Variants in LGALS8 observed in about 807,000 individuals in gnomAD.
The protein encoded by LGALS8 is galectin 8.
A neutral mutation model predicts 35.9 loss-of-function variants in LGALS8; 30 were observed. The observed-to-expected ratio is 0.83, with a 90% CI of 0.62 to 1.13. The LOEUF (loss-of-function observed/expected upper bound fraction) is 1.13, where lower values mean the gene tolerates loss of function less well. Among genes scored for constraint, LGALS8 ranks in the 50% most tolerant of loss-of-function variants. The pLI, the probability that LGALS8 is intolerant of heterozygous loss-of-function variation, is 0.00. For synonymous variants in LGALS8, 138 were observed against 136.1 expected (o/e 1.01, Z -0.10); for missense variants, 366 against 388.7 (o/e 0.94, Z 0.49).
At chr1:236,528,637 C>T (rs888086204) in intron 2 of LGALS8, among the ~76,000 whole-genome samples, 5 of 148,090 alleles carry the variant, frequency 3.4e-5, no homozygotes, top group African/African-American at 1.2e-4. Flanking sequence ...CTGCAACCTC[C>T]ACCTCCTGGG....
At chr1:236,543,793 T>G (rs762792195) in intron 8 of LGALS8, 145 bp downstream of exon 8, 25 of 681,732 alleles carry the variant, frequency 3.7e-5, no homozygotes, top group Non-Finnish European at 6.1e-5. Context: ...AGGAGGTGGT[T>G]AGATTGTGAA....
chr1:236,528,046 T>C (rs1000278248), intron 2 of LGALS8, among the ~76,000 whole-genome samples: 7 of 152,024 alleles, frequency 4.6e-5, no homozygotes, highest in Non-Finnish European at 8.8e-5. Context: ...AACTTAGTTA[T>C]TTAAAGATAA....
intron 9 of LGALS8, 144 bp downstream of exon 9, chr1:236,545,059 C>CTTCA: frequency 3.4e-6 from 2 of 596,828 alleles, no homozygotes; most frequent in South Asian, 2.8e-5. Context: ...TAATTTGCCC[C>CTTCA]TTTTTATAAC....
intron 2 of LGALS8, among the ~76,000 whole-genome samples, chr1:236,529,924 A>G (rs980920810): frequency 6.6e-6 from 1 of 152,186 alleles, no homozygotes; most frequent in Non-Finnish European, 1.5e-5. Flanking sequence ...AAGTGCTAGG[A>G]TTATAGGCGT....
At chr1:236,537,266 C>T (rs994731149) in intron 2 of LGALS8, among the ~76,000 whole-genome samples, 5 of 152,034 alleles carry the variant, frequency 3.3e-5, no homozygotes, top group South Asian at 4.1e-4. Context: ...CCTCCCGCCT[C>T]GGCCTCCCAA....
At chr1:236,544,630 T>C (rs535014111) in intron 8 of LGALS8, 120 bp from the exon 9 acceptor site, 2 of 639,538 alleles carry the variant, frequency 3.1e-6, no homozygotes, top group Admixed American at 2.9e-5. Context: ...TCCATGTGGA[T>C]ACGTGTGTTT....
In LGALS8 at chr1:236,552,147, T is replaced by C; in HGVS notation, c.*3986T>C. 1 of 1,321,980 alleles carries C rather than the reference T, an allele frequency of 7.6e-7. No individual in the cohort carries two copies. 81.9% of individuals were successfully genotyped at this position (1,321,980 alleles called of 1,614,324 possible). Reference sequence around the variant, plus strand: ...AGAGCAAAGAAATAAAAAGTAGTGTTACTGTATTTATTATCTTAAGAGCTG... The same window carrying C: ...AGAGCAAAGAAATAAAAAGTAGTGTCACTGTATTTATTATCTTAAGAGCTG... On this transcript the variant is annotated 3_prime_UTR_variant, in exon 10 of 10. Transcript: ENST00000366584.
chr1:236,550,830 C>A lies in LGALS8; in HGVS notation c.*2669C>A. On this transcript the variant is annotated 3_prime_UTR_variant, in exon 10 of 10. Transcript: ENST00000366584. ...TAAGGCACCAAAAGTAACATGGCAC[C>A]CAACACCCAAAAATAAAAATATGAA... is the stretch of plus-strand genomic sequence containing the variant. 8.3e-7 allele frequency: 1 copy of A among 1,198,800 alleles called. No individual in the cohort carries two copies. Among genetic ancestry groups the A allele is most frequent in the Non-Finnish European group, 1.2e-6 (1 of 842,110 alleles). 74.3% of individuals were successfully genotyped at this position (1,198,800 alleles called of 1,614,324 possible).
Position 236,549,680 on chromosome 1 carries a change from G to C in LGALS8, c.*1519G>C, listed in dbSNP as rs1662626468. On this transcript the variant is annotated 3_prime_UTR_variant, in exon 10 of 10. Transcript: ENST00000366584. ...AGCTGTAGAAGGCAAGAAGACTCGA[G>C]AATCCCCCAGAGTTATTTTTCTCCA... 1 of 152,110 alleles carries C rather than the reference G, an allele frequency of 6.6e-6. No individual in the cohort carries two copies. Among genetic ancestry groups the C allele is most frequent in the Non-Finnish European group, 1.5e-5 (1 of 68,038 alleles). The allele number at this position is 152,110 out of a possible 1,614,324, so 9.4% of individuals were successfully genotyped here.
At chr1:236,540,726 T>G in intron 5 of LGALS8, 43 bp downstream of exon 5, 1 of 1,546,652 alleles carries the variant, frequency 6.5e-7, no homozygotes, top group Non-Finnish European at 8.7e-7. Flanking sequence ...TGAGGATGGT[T>G]TCTGATGAGA....
In LGALS8 at chr1:236,550,546, G is replaced by A. The variant is rs1662680752; in HGVS notation, c.*2385G>A. The A allele has an allele frequency of 5.0e-6, 1 of 198,838 alleles. No homozygotes were observed. The highest frequency in any genetic ancestry group is 2.3e-5 in the African/African-American group (1 of 43,060). The allele number at this position is 198,838 out of a possible 1,614,324, so 12.3% of individuals were successfully genotyped here. A position where few individuals can be genotyped will look rare whatever the true frequency, so the allele number is the denominator to read the frequency against. On this transcript the variant is annotated 3_prime_UTR_variant, in exon 10 of 10. Transcript: ENST00000366584. ...CATGTATGTAAGATACTGCTGTACA[G>A]AAGAGTTAAGGCTTACAGTGCAAAT... is the stretch of plus-strand genomic sequence containing the variant.
upstream of LGALS8, chr1:236,523,905 G>A (rs924103545): frequency 5.7e-6 from 2 of 350,942 alleles, no homozygotes; most frequent in East Asian, 7.7e-5. Context: ...AGGGTGGGGA[G>A]ACCACAGCAG....
At chr1:236,535,704 T>G (rs934469458) in intron 2 of LGALS8, among the ~76,000 whole-genome samples, 13 of 152,196 alleles carry the variant, frequency 8.5e-5, no homozygotes, top group Admixed American at 7.9e-4. Flanking sequence ...GTCTACACTG[T>G]CTGTTGTATT....
At position 236,548,028 on chromosome 1, in the gene LGALS8, A is replaced by ATGTT. The variant is rs1558170504; in HGVS notation, c.822_825dup (p.Arg276CysfsTer2). On this transcript the variant is annotated frameshift_variant, in exon 10 of 10. Coordinates refer to ENST00000366584, the MANE Select transcript of LGALS8 (RefSeq NM_201544.4). LOFTEE classifies it high-confidence loss of function. ...TCCTTTCAGATGATAATTTATTGTG[A>ATGTT]TGTTAGAGAATTCAAGGTTGCAGTA... 5 of 1,611,214 alleles carry ATGTT rather than the reference A, an allele frequency of 3.1e-6. No individual in the cohort carries two copies. Among genetic ancestry groups the ATGTT allele is most frequent in the East Asian group, 2.2e-5 (1 of 44,876 alleles).
At position 236,548,027 on chromosome 1, in the gene LGALS8, G is replaced by C; in HGVS notation, c.820G>C (p.Asp274His). ...TTCCTTTCAGATGATAATTTATTGTGATGTTAGAGAATTCAAGGTTGCAGT... is the reference window on the plus strand; with the variant it reads ...TTCCTTTCAGATGATAATTTATTGTCATGTTAGAGAATTCAAGGTTGCAGT... ...GMYFEMIIYC[D>H]VREFKVAVNG... Residue 274 changes from aspartate (D) to histidine (H), a missense_variant, in exon 10 of 10, where the codon GAT becomes CAT. Coordinates refer to ENST00000366584, the MANE Select transcript of LGALS8 (RefSeq NM_201544.4). 6.2e-7 allele frequency: 1 copy of C among 1,610,738 alleles called. No individual in the cohort carries two copies. Among genetic ancestry groups the C allele is most frequent in the Non-Finnish European group, 8.5e-7 (1 of 1,177,178 alleles).
upstream of LGALS8, chr1:236,523,345 T>A (rs999923921): frequency 2.6e-5 from 4 of 152,376 alleles, no homozygotes; most frequent in Non-Finnish European, 5.9e-5. Flanking sequence ...CTGGGCACAG[T>A]CCAGCGTACT....
chr1:236,537,382 T>G, intron 2 of LGALS8, 115 bp from the exon 3 acceptor site: 3 of 701,812 alleles, frequency 4.3e-6, no homozygotes, highest in South Asian at 3.2e-5. Flanking sequence ...TGAGCAGATT[T>G]ATGTGCAGCC....
At chr1:236,523,753 C>A (rs1660633295), upstream of LGALS8, 1 of 319,568 alleles carries the variant, frequency 3.1e-6, no homozygotes, top group Non-Finnish European at 6.2e-6. Flanking sequence ...CCTCTGTGCT[C>A]GTCCCACAGC....
rs771881901 is a variant in LGALS8 at position 236,543,640 on chromosome 1, T to C, written c.630T>C (p.Asn210=). 3.7e-6 allele frequency: 6 copies of C among 1,612,686 alleles called. No homozygotes were observed. Among genetic ancestry groups the C allele is most frequent in the Middle Eastern group, 1.7e-4 (1 of 6,056 alleles). The change falls in exon 8 of 10, where the codon AAT becomes AAC. Residue 210 remains asparagine (N), a synonymous_variant. Transcript: ENST00000366584. ...TVVVKGEVNA[N]AKSFNVDLLA... Reference sequence around the variant, plus strand: ...TCGTTAAAGGAGAAGTGAATGCAAATGCCAAAAGGTCAGTATCCTTCGGTA... The same window carrying C: ...TCGTTAAAGGAGAAGTGAATGCAAACGCCAAAAGGTCAGTATCCTTCGGTA...
Sources: allele counts gnomAD v4.1 joint callset (sites outside exome capture counted in the v4.1 genomes callset), GRCh38; gene constraint gnomAD v4.1.1; transcripts MANE v1.5; gene names NCBI Gene and HGNC (gene_info 2026-07-23, HGNC 2026-07-21).